ACCSL: variants seen among roughly 807,000 people sequenced by gnomAD.
The protein encoded by ACCSL is probable inactive 1-aminocyclopropane-1-carboxylate synthase-like protein 2.
In ACCSL, 55 loss-of-function variants were observed where a neutral mutation model predicts 61.7. The observed-to-expected ratio is 0.89, with a 90% CI of 0.72 to 1.12. The LOEUF (loss-of-function observed/expected upper bound fraction) is 1.12. Ranked by LOEUF, ACCSL falls within the 50% of genes most tolerant of loss-of-function variation. The pLI, the probability that ACCSL is intolerant of heterozygous loss-of-function variation, is 0.00. For missense variants in ACCSL, 632 were observed against 698.0 expected (o/e 0.91, Z 1.07); for synonymous variants, 258 against 264.3 (o/e 0.98, Z 0.23).
rs547986769 is a variant in ACCSL, at chr11:44,051,777, C to T, written c.772+58C>T. ...GAAATACTAGCAACACAGGTAGGAA[C>T]ACACGGGCACTGGACTTTGAGGAAG... On this transcript the variant is annotated intron_variant, in intron 5 of 13. Transcript: ENST00000378832. 1.0e-4 allele frequency: 161 copies of T among 1,595,322 alleles called. 3 individuals are homozygous for T. The South Asian group carries it at 1.7e-3, about 17-fold the overall frequency.
chr11:44,055,742 C>G (rs1271547483), intron 9 of ACCSL, among the ~76,000 whole-genome samples: 1 of 152,220 alleles, frequency 6.6e-6, no homozygotes, highest in Non-Finnish European at 1.5e-5. Context: ...TTATGGTGAC[C>G]CACATCTGAA....
At chr11:44,047,926 A>C, upstream of ACCSL, 1 of 1,337,976 alleles carries the variant, frequency 7.5e-7, no homozygotes, top group Non-Finnish European at 1.0e-6. Context: ...TTCTGTCTCC[A>C]TCCATTCCTG....
chr11:44,009,072 G>T, the ACCSL span, among the ~76,000 whole-genome samples: 1 of 152,142 alleles, frequency 6.6e-6, no homozygotes, highest in Non-Finnish European at 1.5e-5. Flanking sequence ...GGACGCTGAG[G>T]TGGGAGAATC....
the ACCSL span, among the ~76,000 whole-genome samples, chr11:44,006,927 G>A: frequency 6.6e-6 from 1 of 152,296 alleles, no homozygotes; most frequent in African/African-American, 2.4e-5. Context: ...CCCGCGGTTG[G>A]ACATTCAAGC....
the ACCSL span, among the ~76,000 whole-genome samples, chr11:43,956,091 GA>G: frequency 0.093 from 10,374 of 111,886 alleles, 1,035 homozygotes; most frequent in African/African-American, 0.25. Context: ...AAGATTTATA[GA>G]AAAAAAAAAA....
the ACCSL span, among the ~76,000 whole-genome samples, chr11:43,970,135 G>A: frequency 6.6e-6 from 1 of 152,106 alleles, no homozygotes. Flanking sequence ...GGGCAACATA[G>A]TGAGATCTCA....
At chr11:43,931,247 G>A in the ACCSL span, among the ~76,000 whole-genome samples, 6 of 152,206 alleles carry the variant, frequency 3.9e-5, no homozygotes, top group African/African-American at 1.4e-4. Context: ...GGGGCGTCAT[G>A]AGTGGGGAGG....
the ACCSL span, among the ~76,000 whole-genome samples, chr11:43,958,230 A>G: frequency 3.4e-3 from 511 of 152,348 alleles, 2 homozygotes; most frequent in African/African-American, 0.012. Context: ...TTACTCTTGA[A>G]GGTAACATCA....
chr11:43,974,056 C>A, the ACCSL span: 1 of 152,312 alleles, frequency 6.6e-6, no homozygotes. Context: ...GTGCTCCCAG[C>A]ACTGAGAACA....
chr11:44,011,082 A>C, the ACCSL span, among the ~76,000 whole-genome samples: 4 of 152,186 alleles, frequency 2.6e-5, no homozygotes, highest in African/African-American at 7.2e-5. Flanking sequence ...CCAGAAACCC[A>C]AGAGCGTACA....
At position 44,056,055 on chromosome 11, in the gene ACCSL, C is replaced by A; in HGVS notation, c.1155C>A (p.Asn385Lys). 6.2e-7 allele frequency: 1 copy of A among 1,614,256 alleles called. No individual in the cohort carries two copies. The highest frequency in any genetic ancestry group is 8.5e-7 in the Non-Finnish European group (1 of 1,180,044). The change falls in exon 10 of 14, where the codon AAC (asparagine) becomes AAA (lysine). Residue 385 changes from asparagine (N) to lysine (K), a missense_variant. Physicochemically the swap from Asn to Lys is moderately conservative, Grantham distance 94. Transcript: ENST00000378832. The part of the protein sequence containing the change: ...ILSMKSLPDS[N>K]RTHVIWGTSK... ...TCTTCTTCAGTTTGCCTGATAGCAA[C>A]AGGACCCATGTGATCTGGGGTACCA...
chr11:44,028,402 C>T, the ACCSL span, among the ~76,000 whole-genome samples: 29 of 152,256 alleles, frequency 1.9e-4, no homozygotes, highest in Admixed American at 5.2e-4. Flanking sequence ...ACTATCTGTG[C>T]TGTGCTGTAT....
At chr11:44,055,066 G>A (rs1359051630) in intron 8 of ACCSL, 136 bp from the exon 9 acceptor site, 1 of 594,172 alleles carries the variant, frequency 1.7e-6, no homozygotes, top group Non-Finnish European at 2.9e-6. Context: ...TGGGGCAGTA[G>A]GAGTGCATGA....
At chr11:44,032,085 C>T in the ACCSL span, among the ~76,000 whole-genome samples, 1 of 152,192 alleles carries the variant, frequency 6.6e-6, no homozygotes, top group Non-Finnish European at 1.5e-5. Flanking sequence ...TACTTAGCGG[C>T]TTAAGACTAC....
At chr11:43,932,542 T>G in the ACCSL span, among the ~76,000 whole-genome samples, 1 of 152,176 alleles carries the variant, frequency 6.6e-6, no homozygotes, top group Non-Finnish European at 1.5e-5. Flanking sequence ...GTGCTGGGGA[T>G]TACAGGTGTG....
At chr11:44,035,885 C>A in the ACCSL span, among the ~76,000 whole-genome samples, 5 of 146,530 alleles carry the variant, frequency 3.4e-5, no homozygotes, top group African/African-American at 1.3e-4. Context: ...TTGCAGTGAG[C>A]CGAGATCACG....
chr11:43,963,347 C>G, the ACCSL span, among the ~76,000 whole-genome samples: 5 of 152,188 alleles, frequency 3.3e-5, no homozygotes, highest in Non-Finnish European at 5.9e-5. Context: ...CTTGGGTTTA[C>G]CCAGTGACAA....
the ACCSL span, among the ~76,000 whole-genome samples, chr11:43,989,445 G>T: frequency 1.3e-5 from 2 of 152,196 alleles, no homozygotes; most frequent in Admixed American, 1.3e-4. Flanking sequence ...CACGCTCCTG[G>T]TCTATTTTGA....
the ACCSL span, among the ~76,000 whole-genome samples, chr11:43,975,484 G>A: frequency 6.6e-6 from 1 of 152,156 alleles, no homozygotes; most frequent in Non-Finnish European, 1.5e-5. Flanking sequence ...ATGTTTTGAG[G>A]TTGTGTCTGA....
Sources: allele counts gnomAD v4.1 joint callset (sites outside exome capture counted in the v4.1 genomes callset), GRCh38; gene constraint gnomAD v4.1.1; transcripts MANE v1.5; gene names NCBI Gene and HGNC (gene_info 2026-07-23, HGNC 2026-07-21).